CUX1: variants seen among roughly 807,000 people sequenced by gnomAD.
The protein encoded by CUX1 is protein CASP.
In CUX1, 31 loss-of-function variants were observed where a neutral mutation model predicts 158.8. That is an observed-to-expected ratio of 0.20 (90% confidence interval 0.15 to 0.26). CUX1 has a LOEUF of 0.26. Ranked by LOEUF, CUX1 falls within the 10% of genes least tolerant of loss-of-function variation. CUX1 has a pLI of 1.00. For synonymous variants in CUX1, 879 were observed against 862.1 expected (o/e 1.02, Z -0.34); for missense variants, 1,589 against 2,014.6 (o/e 0.79, Z 4.04).
At position 102,097,007 on chromosome 7, in the gene CUX1, G is replaced by A. The variant is rs182577620; in HGVS notation, c.269-357G>A. 5.3e-5 allele frequency among the ~76,000 whole-genome samples: 8 copies of A among 152,320 alleles called. No homozygotes were observed. The South Asian group carries it at 6.2e-4, about 12-fold the overall frequency. On this transcript the variant is annotated intron_variant, in intron 4 of 23. Transcript: ENST00000292535. ...TTGTCCGTCCTCCACGTGCAGCTCCGGGGATGTGATTGACCTCCTGGGGCT... is the reference window on the plus strand; with the variant it reads ...TTGTCCGTCCTCCACGTGCAGCTCCAGGGATGTGATTGACCTCCTGGGGCT...
intron 2 of CUX1, among the ~76,000 whole-genome samples, chr7:102,004,421 C>A (rs1170763551): frequency 6.6e-6 from 1 of 152,084 alleles, no homozygotes; most frequent in Non-Finnish European, 1.5e-5. Context: ...GGATCAAATC[C>A]CCCTCCTCCC....
chr7:101,950,567 A>T (rs1234543540), intron 2 of CUX1, among the ~76,000 whole-genome samples: 1 of 151,998 alleles, frequency 6.6e-6, no homozygotes, highest in Non-Finnish European at 1.5e-5. Context: ...TCCATAACTC[A>T]CCTCCATAAA....
At chr7:102,006,306 C>T (rs1027550531) in intron 2 of CUX1, among the ~76,000 whole-genome samples, 2 of 152,148 alleles carry the variant, frequency 1.3e-5, no homozygotes, top group African/African-American at 4.8e-5. Context: ...TCGTCAGGCT[C>T]TCTGCTGACC....
intron 1 of CUX1, among the ~76,000 whole-genome samples, chr7:101,850,183 C>G (rs1796123394): frequency 6.6e-6 from 1 of 152,034 alleles, no homozygotes; most frequent in Admixed American, 6.6e-5. Context: ...CTTGGCCTCC[C>G]AAAGTGCTGG....
chr7:102,248,574 C>T lies in CUX1; in HGVS notation c.4050C>T (p.Ala1350=). 6.7e-7 allele frequency: 1 copy of T among 1,486,620 alleles called. No individual in the cohort carries two copies. Among genetic ancestry groups the T allele is most frequent in the South Asian group, 1.3e-5 (1 of 79,854 alleles). 92.1% of individuals were successfully genotyped at this position (1,486,620 alleles called of 1,614,324 possible). ...AGGCCACTGAGGGCCCAGGCAGCGC[C>T]GACACCGAGGAGCCCAAGTCTCAGG... ...GVEATEGPGS[A]DTEEPKSQGE... Residue 1350 remains alanine (A), a synonymous_variant, in exon 24 of 24, where the codon GCC becomes GCT. Transcript: ENST00000292535. This position sits in a 1 kb window ranked among gnomAD's most constrained non-coding sequence, Gnocchi z 5.8.
intron 3 of CUX1, among the ~76,000 whole-genome samples, chr7:102,053,106 G>T (rs1268935433): frequency 1.3e-5 from 2 of 152,086 alleles, no homozygotes; most frequent in Non-Finnish European, 2.9e-5. Flanking sequence ...CACCGCAGCC[G>T]GCCCCATTAT....
At chr7:102,051,543 G>C (rs1823497005) in intron 3 of CUX1, among the ~76,000 whole-genome samples, 1 of 151,676 alleles carries the variant, frequency 6.6e-6, no homozygotes, top group African/African-American at 2.4e-5. Flanking sequence ...AGCTACTTAG[G>C]GTAGGAAAAT....
chr7:101,930,469 G>A (rs1171329983), intron 2 of CUX1, among the ~76,000 whole-genome samples: 4 of 152,102 alleles, frequency 2.6e-5, no homozygotes, highest in African/African-American at 9.7e-5. Context: ...TGCTGTCTTC[G>A]TTTTCTTCTT....
chr7:102,077,047 A>AAT (rs1826818962), intron 4 of CUX1, among the ~76,000 whole-genome samples: 1 of 139,142 alleles, frequency 7.2e-6, no homozygotes, highest in Non-Finnish European at 1.5e-5. Context: ...AAAAAAAAAA[A>AAT]AAAATTAGAA....
intron 13 of CUX1, 73 bp downstream of exon 13, chr7:102,193,963 T>C: frequency 7.1e-7 from 1 of 1,415,944 alleles, no homozygotes; most frequent in East Asian, 2.3e-5. Context: ...CTCCGGCATA[T>C]CCCATGATCC....
In CUX1 at chr7:101,832,277, G is replaced by C. The variant is rs548095443; in HGVS notation, c.30+14608G>C. Among the ~76,000 whole-genome samples, 231 of 152,314 alleles carry C rather than the reference G, an allele frequency of 1.5e-3. 1 individual carries two copies. Among genetic ancestry groups the C allele is most frequent in the African/African-American group, 5.4e-3 (225 of 41,576 alleles). On this transcript the variant is annotated intron_variant, in intron 1 of 23. Transcript: ENST00000292535. ...GGGACCACTGAGGGGTGATGGGAGA[G>C]ATGGGGCTGGGTGAGTGGCATTTCC...
intron 2 of CUX1, among the ~76,000 whole-genome samples, chr7:102,025,471 T>C (rs1819894200): frequency 6.6e-6 from 1 of 150,666 alleles, no homozygotes; most frequent in South Asian, 2.1e-4. Context: ...CTACGAAAAA[T>C]ACAAAAACTA....
intron 2 of CUX1, among the ~76,000 whole-genome samples, chr7:101,984,089 A>AAAAAAAAAAAAAAAAAAATATAT (rs1221503978): frequency 3.4e-5 from 1 of 29,846 alleles, no homozygotes; most frequent in Non-Finnish European, 7.0e-5. Context: ...AAAAAAAAAA[A>AAAAAAAAAAAAAAAAAAATATAT]ATATATATAT....
chr7:102,130,692 T>A (rs1289658245), intron 8 of CUX1, among the ~76,000 whole-genome samples: 1 of 151,422 alleles, frequency 6.6e-6, no homozygotes, highest in South Asian at 2.1e-4. Flanking sequence ...TAAAAAAAAT[T>A]ATGTAGTGTT....
chr7:102,209,155 TC>T (rs1236219148), intron 20 of CUX1, among the ~76,000 whole-genome samples: 1 of 152,228 alleles, frequency 6.6e-6, no homozygotes, highest in African/African-American at 2.4e-5. Context: ...CACTGAGAGC[TC>T]CCGTCAGCCT....
At chr7:101,816,368 G>A (rs1324401215), upstream of CUX1, among the ~76,000 whole-genome samples, 1 of 144,162 alleles carries the variant, frequency 6.9e-6, no homozygotes, top group Non-Finnish European at 1.5e-5. Context: ...CACTGCCCCC[G>A]GTGTCTGCCC....
intron 2 of CUX1, among the ~76,000 whole-genome samples, chr7:102,008,331 T>G (rs1474729143): frequency 6.6e-6 from 1 of 152,046 alleles, no homozygotes; most frequent in African/African-American, 2.4e-5. Context: ...TCCTTCTGTT[T>G]GTATCTTGTC....
rs1459447614 is a variant in CUX1 at position 102,258,021 on chromosome 7, T to C, written c.*8979T>C. 1.0e-6 allele frequency: 1 copy of C among 984,762 alleles called. No individual in the cohort carries two copies. The highest frequency in any genetic ancestry group is 1.8e-5 in the African/African-American group (1 of 57,016). The allele number at this position is 984,762 out of a possible 1,614,324, so 61.0% of individuals were successfully genotyped here. On this transcript the variant is annotated 3_prime_UTR_variant, in exon 24 of 24. Transcript: ENST00000292535. ...TCTACATTAAGAGTCAAAGTTGACCTGGCTGGCGTGGGGGTGGGGGAGGCA... is the reference window on the plus strand; with the variant it reads ...TCTACATTAAGAGTCAAAGTTGACCCGGCTGGCGTGGGGGTGGGGGAGGCA...
intron 3 of CUX1, among the ~76,000 whole-genome samples, chr7:102,060,515 A>G (rs1824677817): frequency 6.6e-6 from 1 of 151,796 alleles, no homozygotes; most frequent in South Asian, 2.1e-4. Flanking sequence ...GGAGGGAGTT[A>G]CTACCCTCAC....
Sources: allele counts gnomAD v4.1 joint callset (sites outside exome capture counted in the v4.1 genomes callset), GRCh38; gene constraint gnomAD v4.1.1; non-coding constraint Gnocchi (gnomAD v3.1); transcripts MANE v1.5; gene names NCBI Gene and HGNC (gene_info 2026-07-23, HGNC 2026-07-21).